Variants in TBRG1 observed in about 807,000 individuals in gnomAD.
TBRG1 encodes the protein nuclear interactor of ARF and MDM2.
Under a neutral mutation model 44.0 loss-of-function variants are expected in TBRG1, and 31 were observed. The observed-to-expected ratio is 0.70, with a 90% CI of 0.53 to 0.95. The LOEUF (loss-of-function observed/expected upper bound fraction) is 0.95. Ranked by LOEUF, TBRG1 falls within the 40% of genes least tolerant of loss-of-function variation. The pLI is 0.00. For synonymous variants in TBRG1, 171 were observed against 188.1 expected, an observed-to-expected ratio of 0.91 and a Z score of 0.74; for missense variants, 487 against 496.1, an observed-to-expected ratio of 0.98 and a Z score of 0.18.
In TBRG1 at chr11:124,633,980, A is replaced by G. The variant is rs776816773; in HGVS notation, c.*1742A>G. 1.3e-5 allele frequency: 2 copies of G among 152,234 alleles called. No homozygotes were observed. The highest frequency in any genetic ancestry group is 2.9e-5 in the Non-Finnish European group (2 of 68,052). The allele number at this position is 152,234 out of a possible 1,614,324, so 9.4% of individuals were successfully genotyped here. ...TAATGCATATACAACTATAGTGTGT[A>G]CGTATACCACATATACATATACTTG... On this transcript the variant is annotated 3_prime_UTR_variant, in exon 9 of 9. Coordinates refer to ENST00000441174, the MANE Select transcript of TBRG1 (RefSeq NM_032811.3).
intron 1 of TBRG1, 52 bp from the exon 2 acceptor site, chr11:124,624,879 A>ATG: frequency 8.6e-7 from 1 of 1,165,578 alleles, no homozygotes. Context: ...CAGCATAATA[A>ATG]TGTGATTTTT....
At position 124,632,290 on chromosome 11, in the gene TBRG1, A is replaced by C. The variant is rs941659898; in HGVS notation, c.*52A>C. On this transcript the variant is annotated 3_prime_UTR_variant, in exon 9 of 9. Transcript: ENST00000441174. ...TTTTTGTCGTGATTAATTTAACTTAAACTAAAATTTTGGGTATATGAAAGA... is the reference window on the plus strand; with the variant it reads ...TTTTTGTCGTGATTAATTTAACTTACACTAAAATTTTGGGTATATGAAAGA... 3.8e-6 allele frequency: 6 copies of C among 1,575,998 alleles called. No homozygotes were observed. The highest frequency in any genetic ancestry group is 1.4e-5 in the African/African-American group (1 of 73,798).
chr11:124,625,135 A>G, intron 2 of TBRG1, 134 bp downstream of exon 2: 1 of 633,532 alleles, frequency 1.6e-6, no homozygotes, highest in Non-Finnish European at 2.7e-6. Flanking sequence ...TGGCCACTTG[A>G]TCAAGCACAG....
chr11:124,625,559 T>G, intron 2 of TBRG1, 112 bp from the exon 3 acceptor site: 124 of 935,842 alleles, frequency 1.3e-4, no homozygotes, highest in Middle Eastern at 2.6e-4. Context: ...CTTTCTTTTA[T>G]GAGTATAGTA....
In TBRG1 at chr11:124,628,065, TTATATATATA is replaced by T. The variant is rs71042445; in HGVS notation, c.738+1058_738+1067del. ...TTCCAACTAACGTCAAGTAGCTGTT[TTATATATATA>T]TATATATATATATATATATATATAT... On this transcript the variant is annotated intron_variant, in intron 5 of 8. Transcript: ENST00000441174. Among the ~76,000 whole-genome samples the T allele has an allele frequency of 6.1e-3, 426 of 69,756 alleles. 5 individuals carry two copies. Among genetic ancestry groups the T allele is most frequent in the South Asian group, 0.013 (20 of 1,598 alleles). The allele number at this position is 69,756 out of a possible 152,430, so 45.8% of individuals were successfully genotyped here.
chr11:124,623,206 G>T lies in TBRG1; in HGVS notation c.123G>T (p.Leu41=), dbSNP rs1942378946. 6.4e-7 allele frequency: 1 copy of T among 1,551,480 alleles called. No individual in the cohort carries two copies. ...AGTACCGGCTGAAGTACCTGCGGCT[G>T]CGCAAAGCGGCCAAGGCCACGGTGT... ...NEKYRLKYLR[L]RKAAKATVFE... Residue 41 remains leucine (L), a synonymous_variant, in exon 1 of 9, where the codon CTG becomes CTT. Coordinates refer to ENST00000441174, the MANE Select transcript of TBRG1 (RefSeq NM_032811.3).
chr11:124,635,711 G>A lies in TBRG1; in HGVS notation c.*3473G>A, dbSNP rs551386665. 30 of 152,168 alleles carry A rather than the reference G, an allele frequency of 2.0e-4. No individual in the cohort carries two copies. Among genetic ancestry groups the A allele is most frequent in the Non-Finnish European group, 4.1e-4 (28 of 68,042 alleles). 9.4% of individuals were successfully genotyped at this position (152,168 alleles called of 1,614,324 possible). A position where few individuals can be genotyped will look rare whatever the true frequency, so the allele number is the denominator to read the frequency against. On this transcript the variant is annotated 3_prime_UTR_variant, in exon 9 of 9. Coordinates refer to ENST00000441174, the MANE Select transcript of TBRG1 (RefSeq NM_032811.3). ...GTTCTCATTTTTCACATTAAGGGGA[G>A]GAAAGCTACCCATAGATAGTATTCT... is the stretch of plus-strand genomic sequence containing the variant.
Position 124,626,986 on chromosome 11 carries a change from T to C in TBRG1, c.674T>C (p.Met225Thr), listed in dbSNP as rs1469891574. 2.5e-6 allele frequency: 4 copies of C among 1,581,268 alleles called. No individual in the cohort carries two copies. The highest frequency in any genetic ancestry group is 1.8e-5 in the Admixed American group (1 of 55,372). Reference protein sequence around the residue: ...GYCSTRIYASMKCPDQKCLYT... With the variant: ...GYCSTRIYASTKCPDQKCLYT... ...TGCAGTACTCGAATATATGCCAGCA[T>C]GAAGTGCCCAGACCAGAAGTGTCTA... The change falls in exon 5 of 9, where the codon ATG becomes ACG. Residue 225 changes from methionine (M) to threonine (T), a missense_variant. By Grantham distance (81) the Met-to-Thr change is moderately conservative. Transcript: ENST00000441174.
intron 2 of TBRG1, 37 bp downstream of exon 2, chr11:124,625,038 T>C (rs1942432733): frequency 7.2e-6 from 10 of 1,397,196 alleles, no homozygotes; most frequent in Admixed American, 2.1e-5. Flanking sequence ...CATCACCTTT[T>C]TGGTGATTGA....
In TBRG1 at chr11:124,635,889, TAA is replaced by T. The variant is rs1402739965; in HGVS notation, c.*3652_*3653del. ...TTTTTAATCCATCAGTAAACTGCAT[TAA>T]GATTCTTAATAAACAAACACTGAAG... is the stretch of plus-strand genomic sequence containing the variant. On this transcript the variant is annotated 3_prime_UTR_variant, in exon 9 of 9. Transcript: ENST00000441174. The T allele has an allele frequency of 1.3e-5, 2 of 152,236 alleles. No individual in the cohort carries two copies. The highest frequency in any genetic ancestry group is 2.9e-5 in the Non-Finnish European group (2 of 68,038). The allele number at this position is 152,236 out of a possible 1,614,324, so 9.4% of individuals were successfully genotyped here.
chr11:124,628,996 G>GA (rs1942548920), intron 5 of TBRG1, among the ~76,000 whole-genome samples: 1 of 152,148 alleles, frequency 6.6e-6, no homozygotes, highest in Non-Finnish European at 1.5e-5. Flanking sequence ...GCAATTAGAA[G>GA]AATGAGGTAG....
Position 124,633,222 on chromosome 11 carries a change from G to C in TBRG1, c.*984G>C, listed in dbSNP as rs531470774. 31 of 152,326 alleles carry C rather than the reference G, an allele frequency of 2.0e-4. No homozygotes were observed. The highest frequency in any genetic ancestry group is 7.0e-4 in the African/African-American group (29 of 41,566). 9.4% of individuals were successfully genotyped at this position (152,326 alleles called of 1,614,324 possible). A position where few individuals can be genotyped will look rare whatever the true frequency, so the allele number is the denominator to read the frequency against. On this transcript the variant is annotated 3_prime_UTR_variant, in exon 9 of 9. Coordinates refer to ENST00000441174, the MANE Select transcript of TBRG1 (RefSeq NM_032811.3). ...CAAATTCACATATAATTGGGGGTTA[G>C]TCCCATACTCTATAACAGACTTAGT...
At position 124,635,785 on chromosome 11, in the gene TBRG1, C is replaced by T. The variant is rs1316602216; in HGVS notation, c.*3547C>T. 1.3e-5 allele frequency: 2 copies of T among 152,178 alleles called. No individual in the cohort carries two copies. Among genetic ancestry groups the T allele is most frequent in the Admixed American group, 1.3e-4 (2 of 15,270 alleles). 9.4% of individuals were successfully genotyped at this position (152,178 alleles called of 1,614,324 possible). A position where few individuals can be genotyped will look rare whatever the true frequency, so the allele number is the denominator to read the frequency against. ...GACAGTTTGCAAGTGGATATAAATA[C>T]ATACACATCACTAGTGATTATGCTT... On this transcript the variant is annotated 3_prime_UTR_variant, in exon 9 of 9. Transcript: ENST00000441174.
chr11:124,633,870 G>A lies in TBRG1; in HGVS notation c.*1632G>A, dbSNP rs576287639. ...CACTATTACAGCCTGAGTAATACCC[G>A]TATTAAAAGAGCCTCATTTTAGAAA... On this transcript the variant is annotated 3_prime_UTR_variant, in exon 9 of 9. Coordinates refer to ENST00000441174, the MANE Select transcript of TBRG1 (RefSeq NM_032811.3). The A allele has an allele frequency of 1.3e-5, 2 of 152,136 alleles. No individual in the cohort carries two copies. The highest frequency in any genetic ancestry group is 2.1e-4 in the South Asian group (1 of 4,820). The allele number at this position is 152,136 out of a possible 1,614,324, so 9.4% of individuals were successfully genotyped here.
intron 4 of TBRG1, 63 bp downstream of exon 4, chr11:124,626,672 T>G (rs1942479660): frequency 6.5e-7 from 1 of 1,532,138 alleles, no homozygotes; most frequent in Non-Finnish European, 8.9e-7. Context: ...GGGTTGAGCC[T>G]TCCCTCCCTG....
chr11:124,628,102 TATATATATATATATACACACAC>T (rs1401740817), intron 5 of TBRG1, among the ~76,000 whole-genome samples: 4 of 51,424 alleles, frequency 7.8e-5, no homozygotes, highest in African/African-American at 4.5e-4. Context: ...TATATATATA[TATATATATATATATACACACAC>T]ACACACACAC....
At chr11:124,625,997 T>TTGGGGGAATGTTTTTTATAGATCATCACC in intron 3 of TBRG1, 94 bp downstream of exon 3, 1 of 1,438,850 alleles carries the variant, frequency 6.9e-7, no homozygotes, top group Non-Finnish European at 9.2e-7. Flanking sequence ...CAGCTGCAGA[T>TTGGGGGAATGTTTTTTATAGATCATCACC]GTACTTAGAG....
chr11:124,624,686 A>G (rs1942418800), intron 1 of TBRG1, among the ~76,000 whole-genome samples: 1 of 152,214 alleles, frequency 6.6e-6, no homozygotes, highest in East Asian at 1.9e-4. Context: ...ATAAGCATTA[A>G]TAGTACCCCC....
intron 5 of TBRG1, among the ~76,000 whole-genome samples, chr11:124,628,190 CT>C (rs1456636880): frequency 7.0e-6 from 1 of 142,092 alleles, no homozygotes; most frequent in Non-Finnish European, 1.5e-5. Flanking sequence ...CAGATGATTC[CT>C]TTTTATTCAT....
Sources: allele counts gnomAD v4.1 joint callset (sites outside exome capture counted in the v4.1 genomes callset), GRCh38; gene constraint gnomAD v4.1.1; transcripts MANE v1.5; gene names NCBI Gene and HGNC (gene_info 2026-07-23, HGNC 2026-07-21).